Variants in SCNN1B observed in about 807,000 individuals in gnomAD.
The protein encoded by SCNN1B is epithelial sodium channel subunit beta.
A neutral mutation model predicts 65.3 loss-of-function variants in SCNN1B; 46 were observed. The observed-to-expected ratio is 0.70, with a 90% CI of 0.56 to 0.90. The LOEUF (loss-of-function observed/expected upper bound fraction) is 0.90, where lower values mean the gene tolerates loss of function less well. Among genes scored for constraint, SCNN1B ranks in the 40% least tolerant of loss-of-function variants. The pLI, the probability that SCNN1B is intolerant of heterozygous loss-of-function variation, is 0.00. For synonymous variants in SCNN1B, 349 were observed against 330.6 expected, an observed-to-expected ratio of 1.06 and a Z score of -0.60; for missense variants, 751 against 830.5, an observed-to-expected ratio of 0.90 and a Z score of 1.18.
intron 4 of SCNN1B, among the ~76,000 whole-genome samples, chr16:23,359,632 C>A (rs1039319892): frequency 2.0e-5 from 3 of 152,136 alleles, no homozygotes; most frequent in African/African-American, 7.2e-5. Flanking sequence ...CCATCCTGTC[C>A]CCCTCCTAAC....
chr16:23,311,683 G>C (rs12103340), intron 1 of SCNN1B, among the ~76,000 whole-genome samples: 9,624 of 152,254 alleles, frequency 0.063, 1,030 homozygotes, highest in African/African-American at 0.22. Context: ...GTTAGGGAGC[G>C]AGACCATGAA....
intron 1 of SCNN1B, among the ~76,000 whole-genome samples, chr16:23,330,979 C>A (rs992443321): frequency 6.6e-6 from 1 of 152,204 alleles, no homozygotes; most frequent in African/African-American, 2.4e-5. Context: ...CTGGCACATG[C>A]TCCCTGAAAG....
At chr16:23,358,796 A>G (rs1319645349) in intron 4 of SCNN1B, among the ~76,000 whole-genome samples, 1 of 152,188 alleles carries the variant, frequency 6.6e-6, no homozygotes, top group Non-Finnish European at 1.5e-5. Flanking sequence ...AATCCCGGCT[A>G]CTCAGGTGAC....
rs374430461 is a variant in SCNN1B at position 23,374,221 on chromosome 16, G to A, written c.1153-1517G>A. ...TTTGAGGATGCAGAGAGTTATGAGC[G>A]TGCCACTGCACCCCAGCCTGGGCAA... On this transcript the variant is annotated intron_variant, in intron 7 of 12. Coordinates refer to ENST00000343070, the MANE Select transcript of SCNN1B (RefSeq NM_000336.3). Among the ~76,000 whole-genome samples, 252 of 142,814 alleles carry A rather than the reference G, an allele frequency of 1.8e-3. 1 individual carries two copies. The highest frequency in any genetic ancestry group is 6.1e-3 in the African/African-American group (236 of 38,696). The allele number at this position is 142,814 out of a possible 152,430, so 93.7% of individuals were successfully genotyped here.
intron 6 of SCNN1B, 60 bp from the exon 7 acceptor site, chr16:23,371,716 G>A: frequency 1.5e-6 from 2 of 1,366,236 alleles, no homozygotes; most frequent in Admixed American, 1.7e-5. Flanking sequence ...TAGAAGGGAG[G>A]TGCAGAAAGG....
intron 1 of SCNN1B, chr16:23,304,178 T>C: frequency 8.5e-7 from 1 of 1,172,204 alleles, no homozygotes; most frequent in Non-Finnish European, 1.2e-6. Context: ...TATCCTAAAC[T>C]AACTTCACAG....
At chr16:23,306,183 C>T (rs1427119967) in intron 1 of SCNN1B, among the ~76,000 whole-genome samples, 1 of 150,288 alleles carries the variant, frequency 6.7e-6, no homozygotes, top group Non-Finnish European at 1.5e-5. Context: ...GTGGAGATTG[C>T]GATGAGCCGA....
chr16:23,323,940 T>C (rs1368678646), intron 1 of SCNN1B, among the ~76,000 whole-genome samples: 2 of 152,138 alleles, frequency 1.3e-5, no homozygotes, highest in Non-Finnish European at 2.9e-5. Flanking sequence ...ATTTCATCCT[T>C]CTTTCTCCCT....
At chr16:23,367,733 C>T (rs2142035737) in intron 4 of SCNN1B, 123 bp from the exon 5 acceptor site, 1 of 794,624 alleles carries the variant, frequency 1.3e-6, no homozygotes, top group East Asian at 2.4e-5. Context: ...GACAGAATGA[C>T]CTGTTGCTCG....
At chr16:23,313,901 A>G (rs951214360) in intron 1 of SCNN1B, among the ~76,000 whole-genome samples, 1 of 152,082 alleles carries the variant, frequency 6.6e-6, no homozygotes, top group Non-Finnish European at 1.5e-5. Flanking sequence ...TGAGCCATGC[A>G]CCCGGCCAGC....
At chr16:23,365,147 T>G (rs1222404031) in intron 4 of SCNN1B, among the ~76,000 whole-genome samples, 1 of 148,892 alleles carries the variant, frequency 6.7e-6, no homozygotes, top group Non-Finnish European at 1.5e-5. Flanking sequence ...AAAAAAATAG[T>G]TGGGCGTGAT....
In SCNN1B at chr16:23,348,566, A is replaced by G; in HGVS notation, c.-8-26A>G. The G allele has an allele frequency of 6.2e-7, 1 of 1,610,418 alleles. No homozygotes were observed. The highest frequency in any genetic ancestry group is 8.5e-7 in the Non-Finnish European group (1 of 1,178,898). The stretch of plus-strand genomic sequence containing the variant: ...GCAGGCAAGGCTGGTGTCCCAGCTG[A>G]TGTGCGTCCCCATGCCTCTCTGCAG... On this transcript the variant is annotated intron_variant, in intron 1 of 12. Coordinates refer to ENST00000343070, the MANE Select transcript of SCNN1B (RefSeq NM_000336.3). This position sits in a 1 kb window ranked among gnomAD's most constrained non-coding sequence, Gnocchi z 4.5.
Position 23,283,069 on chromosome 16 carries a change from C to T in SCNN1B, n.111-668C>T, listed in dbSNP as rs540181879. Among the ~76,000 whole-genome samples the T allele has an allele frequency of 3.7e-4, 56 of 152,350 alleles. 1 individual carries two copies. Among genetic ancestry groups the T allele is most frequent in the Non-Finnish European group, 6.9e-4 (47 of 68,032 alleles). ...TCAAGTTGAAATGCATTTGATATAC[C>T]TGACCTACCAAACATCATAGCTTAG... On this transcript the variant is annotated intron_variant and non_coding_transcript_variant, in intron 1 of 3. Coordinates refer to the SCNN1B transcript ENST00000569789.
At chr16:23,305,558 AT>A (rs59712761) in intron 1 of SCNN1B, among the ~76,000 whole-genome samples, 1 of 39,590 alleles carries the variant, frequency 2.5e-5, no homozygotes, top group South Asian at 8.3e-4. Context: ...ATATATATAT[AT>A]ATATATATAT....
intron 1 of SCNN1B, among the ~76,000 whole-genome samples, chr16:23,334,364 C>A (rs1049552142): frequency 6.6e-6 from 1 of 152,214 alleles, no homozygotes; most frequent in African/African-American, 2.4e-5. Flanking sequence ...TAAACCAGTG[C>A]TTTCCAGCCT....
At chr16:23,370,254 C>T (rs1472055072) in intron 5 of SCNN1B, among the ~76,000 whole-genome samples, 6 of 152,140 alleles carry the variant, frequency 3.9e-5, no homozygotes, top group South Asian at 4.2e-4. Context: ...TACAGGTGGC[C>T]GCCACCATGC....
At chr16:23,287,474 G>A (rs192614966) in intron 2 of SCNN1B, among the ~76,000 whole-genome samples, 1 of 152,190 alleles carries the variant, frequency 6.6e-6, no homozygotes, top group East Asian at 1.9e-4. Flanking sequence ...CACTTTGGGA[G>A]GCTGAGGTGG....
intron 4 of SCNN1B, 25 bp downstream of exon 4, chr16:23,355,514 G>C (rs765735118): frequency 6.2e-7 from 1 of 1,611,916 alleles, no homozygotes; most frequent in African/African-American, 1.3e-5. Flanking sequence ...AAGCCCACCC[G>C]GCCAGGCCCT....
intron 5 of SCNN1B, among the ~76,000 whole-genome samples, chr16:23,369,916 T>A (rs1000775595): frequency 5.9e-5 from 9 of 152,162 alleles, no homozygotes; most frequent in African/African-American, 2.2e-4. Flanking sequence ...CTTGTGAGCA[T>A]CCGAGGAGCT....
Sources: gnomAD v4.1 joint callset for allele counts (sites outside exome capture counted in the v4.1 genomes callset) on GRCh38, gnomAD v4.1.1 for gene constraint, Gnocchi (gnomAD v3.1) non-coding constraint, MANE v1.5 for transcripts, NCBI Gene and HGNC (gene_info 2026-07-23, HGNC 2026-07-21) for gene names.